The following ART3 variants were observed in gnomAD, a reference collection of about 807,000 sequenced individuals.
ART3 encodes the protein ecto-ADP-ribosyltransferase 3.
ART3 carries 49 observed loss-of-function variants against 48.5 expected under a neutral mutation model. The observed-to-expected ratio is 1.01, with a 90% CI of 0.80 to 1.28. The LOEUF (loss-of-function observed/expected upper bound fraction) is 1.28. Among genes scored for constraint, ART3 ranks in the 50% most tolerant of loss-of-function variants. The pLI is 0.00. For missense variants in ART3, 438 were observed against 454.3 expected (o/e 0.96, Z 0.33); for synonymous variants, 145 against 157.2 (o/e 0.92, Z 0.58).
At chr4:76,062,028 GA>G (rs1301895684) in intron 1 of ART3, among the ~76,000 whole-genome samples, 2 of 152,202 alleles carry the variant, frequency 1.3e-5, no homozygotes, top group Admixed American at 6.5e-5. Flanking sequence ...ATGCTAAGAA[GA>G]GAGCATTTGA....
intron 10 of ART3, chr4:76,107,154 T>C (rs576102023): frequency 1.3e-5 from 2 of 152,294 alleles, no homozygotes; most frequent in East Asian, 3.9e-4. Flanking sequence ...GTTCTGTAGG[T>C]TGGGTGAGTT....
chr4:76,026,827 T>C (rs1447002350), intron 1 of ART3, among the ~76,000 whole-genome samples: 1 of 152,264 alleles, frequency 6.6e-6, no homozygotes, highest in Non-Finnish European at 1.5e-5. Context: ...CATTATTTTC[T>C]GTGCACTTTG....
At chr4:76,030,911 T>C (rs1237643539) in intron 1 of ART3, among the ~76,000 whole-genome samples, 1 of 152,238 alleles carries the variant, frequency 6.6e-6, no homozygotes, top group Non-Finnish European at 1.5e-5. Flanking sequence ...TTCTGGCTGT[T>C]GTGTATAATG....
intron 1 of ART3, among the ~76,000 whole-genome samples, chr4:76,012,733 T>C (rs1731916477): frequency 6.6e-6 from 1 of 152,202 alleles, no homozygotes; most frequent in Non-Finnish European, 1.5e-5. Context: ...ACATTTTTGC[T>C]TGGTGACTTT....
intron 1 of ART3, chr4:76,033,587 A>G (rs988908060): frequency 2.0e-5 from 3 of 152,204 alleles, no homozygotes; most frequent in African/African-American, 4.8e-5. Context: ...ATATATTTCT[A>G]AACAGTTTTT....
chr4:76,060,359 A>G (rs1719093124), intron 1 of ART3, among the ~76,000 whole-genome samples: 1 of 152,140 alleles, frequency 6.6e-6, no homozygotes, highest in Non-Finnish European at 1.5e-5. Flanking sequence ...GGCTGTGACA[A>G]TCAACTGTTT....
rs575885294 is a variant in ART3 at position 76,025,543 on chromosome 4, C to T, written c.-10+14223C>T. Among the ~76,000 whole-genome samples the T allele has an allele frequency of 2.0e-5, 3 of 152,294 alleles. No homozygotes were observed. In the South Asian group the frequency reaches 6.2e-4, roughly 32 times the overall value. ...GCTTTGTGACTATTGACCATATTGA[C>T]TCATTTTATTCTTATAATAACATCT... On this transcript the variant is annotated intron_variant, in intron 1 of 9. Coordinates refer to the ART3 transcript ENST00000341029.
intron 1 of ART3, among the ~76,000 whole-genome samples, chr4:76,011,655 A>G (rs1731804869): frequency 6.6e-6 from 1 of 152,178 alleles, no homozygotes. Context: ...AAAAGGGGCT[A>G]ATTTTCTGAG....
chr4:76,022,276 T>G (rs1270208533), intron 1 of ART3: 2 of 1,066,814 alleles, frequency 1.9e-6, no homozygotes, highest in Non-Finnish European at 2.9e-6. Flanking sequence ...AAACCAGCGA[T>G]TGCACAGCAA....
chr4:76,017,050 A>G (rs1187905292), intron 1 of ART3, among the ~76,000 whole-genome samples: 1 of 151,946 alleles, frequency 6.6e-6, no homozygotes, highest in Non-Finnish European at 1.5e-5. Flanking sequence ...CCAAGAGCCC[A>G]CTTGGTGCTC....
intron 3 of ART3, among the ~76,000 whole-genome samples, chr4:76,087,295 T>C (rs957022993): frequency 6.6e-6 from 1 of 152,158 alleles, no homozygotes; most frequent in African/African-American, 2.4e-5. Flanking sequence ...GTGTACCATG[T>C]GTTTAGGGAG....
intron 1 of ART3, among the ~76,000 whole-genome samples, chr4:76,018,602 GA>G (rs1186501315): frequency 2.0e-5 from 3 of 151,084 alleles, no homozygotes; most frequent in South Asian, 2.1e-4. Flanking sequence ...AAGTTGGAAA[GA>G]AAAAAAATTC....
At chr4:76,111,330 G>A (rs1729435298) in intron 11 of ART3, among the ~76,000 whole-genome samples, 1 of 152,140 alleles carries the variant, frequency 6.6e-6, no homozygotes, top group Admixed American at 6.5e-5. Context: ...CACAAGCAGA[G>A]AGAAGCCATG....
intron 1 of ART3, among the ~76,000 whole-genome samples, chr4:76,020,821 T>G (rs1732732347): frequency 6.6e-6 from 1 of 151,956 alleles, no homozygotes; most frequent in Admixed American, 6.6e-5. Context: ...ACCACTGCAC[T>G]CCGGCTTGGG....
At chr4:76,096,591 T>A (rs1284290209) in intron 3 of ART3, among the ~76,000 whole-genome samples, 2 of 152,160 alleles carry the variant, frequency 1.3e-5, no homozygotes, top group Non-Finnish European at 2.9e-5. Flanking sequence ...AGGCCTTCCG[T>A]ATGGCTCATA....
At chr4:76,069,324 T>C (rs1239427827) in intron 1 of ART3, among the ~76,000 whole-genome samples, 1 of 151,994 alleles carries the variant, frequency 6.6e-6, no homozygotes, top group Non-Finnish European at 1.5e-5. Context: ...AATAATCTAC[T>C]TTCTGTCTGT....
intron 1 of ART3, among the ~76,000 whole-genome samples, chr4:76,040,444 A>ACG (rs1734846983): frequency 7.8e-6 from 1 of 128,930 alleles, no homozygotes; most frequent in South Asian, 2.4e-4. Context: ...GGATACACAC[A>ACG]CACACACACA....
intron 1 of ART3, among the ~76,000 whole-genome samples, chr4:76,015,120 TA>T (rs1732145044): frequency 6.6e-6 from 1 of 152,210 alleles, no homozygotes; most frequent in Non-Finnish European, 1.5e-5. Context: ...ATAATACTGG[TA>T]AAGGTAACTA....
At chr4:76,041,423 C>G (rs1187824030) in intron 1 of ART3, 2 of 152,172 alleles carry the variant, frequency 1.3e-5, no homozygotes, top group African/African-American at 2.4e-5. Context: ...CTTCATGAAG[C>G]CTTTTTCATT....
Sources: allele counts gnomAD v4.1 joint callset (sites outside exome capture counted in the v4.1 genomes callset), GRCh38; gene constraint gnomAD v4.1.1; transcripts MANE v1.5; gene names NCBI Gene and HGNC (gene_info 2026-07-23, HGNC 2026-07-21).